Variants in ASTN2 observed in about 807,000 individuals in gnomAD.
ASTN2 encodes the protein astrotactin-2.
Under a neutral mutation model 139.8 loss-of-function variants are expected in ASTN2, and 54 were observed. That is an observed-to-expected ratio of 0.39 (90% CI 0.31 to 0.48). The LOEUF (loss-of-function observed/expected upper bound fraction) is 0.48, where lower values mean the gene tolerates loss of function less well. Among genes scored for constraint, ASTN2 ranks in the 20% least tolerant of loss-of-function variants. ASTN2 has a pLI of 0.95. For synonymous variants in ASTN2, 756 were observed against 719.5 expected, an observed-to-expected ratio of 1.05 and a Z score of -0.81; for missense variants, 1,565 against 1,725.1, an observed-to-expected ratio of 0.91 and a Z score of 1.64.
At chr9:117,093,011 T>C (rs956887525) in intron 5 of ASTN2, among the ~76,000 whole-genome samples, 1 of 151,784 alleles carries the variant, frequency 6.6e-6, no homozygotes, top group Admixed American at 6.6e-5. Flanking sequence ...GTAAACAGGG[T>C]GCAAAGGAAC....
chr9:117,186,310 G>C (rs1831196149), intron 3 of ASTN2, among the ~76,000 whole-genome samples: 1 of 152,200 alleles, frequency 6.6e-6, no homozygotes, highest in South Asian at 2.1e-4. Flanking sequence ...ACTTTGGGAG[G>C]CTGAGGCGGG....
chr9:116,809,397 T>C (rs1026173785), intron 12 of ASTN2, among the ~76,000 whole-genome samples: 1 of 152,194 alleles, frequency 6.6e-6, no homozygotes, highest in African/African-American at 2.4e-5. Context: ...ACATATGCCA[T>C]ATATACATGG....
intron 4 of ASTN2, among the ~76,000 whole-genome samples, chr9:117,125,268 T>C (rs79692679): frequency 2.0e-5 from 3 of 152,194 alleles, no homozygotes; most frequent in Non-Finnish European, 4.4e-5. Flanking sequence ...TGGGTGGCAT[T>C]TGGGGAGACA....
chr9:116,684,792 A>G (rs1860099338), intron 16 of ASTN2, among the ~76,000 whole-genome samples: 1 of 152,224 alleles, frequency 6.6e-6, no homozygotes, highest in African/African-American at 2.4e-5. Context: ...AAGGTGTTAC[A>G]AAACCCAAAG....
At chr9:116,508,812 T>G (rs908865944) in intron 19 of ASTN2, among the ~76,000 whole-genome samples, 2 of 152,052 alleles carry the variant, frequency 1.3e-5, no homozygotes, top group African/African-American at 4.8e-5. Context: ...AAAGGATAAT[T>G]AGAGGGCAAA....
chr9:117,201,844 G>A (rs1339215922), intron 3 of ASTN2, among the ~76,000 whole-genome samples: 4 of 152,098 alleles, frequency 2.6e-5, no homozygotes, highest in African/African-American at 9.7e-5. Flanking sequence ...TTCTGTAGAC[G>A]TCTACTAGGT....
intron 10 of ASTN2, among the ~76,000 whole-genome samples, chr9:116,892,316 G>A (rs1833780936): frequency 6.6e-6 from 1 of 152,166 alleles, no homozygotes; most frequent in South Asian, 2.1e-4. Flanking sequence ...AAATAAATTA[G>A]TTGAGAAAGT....
intron 17 of ASTN2, among the ~76,000 whole-genome samples, chr9:116,629,515 G>C (rs1055385746): frequency 2.6e-5 from 4 of 152,042 alleles, no homozygotes; most frequent in African/African-American, 9.7e-5. Context: ...GTCTATTTTG[G>C]ACTCAACTTC....
intron 13 of ASTN2, among the ~76,000 whole-genome samples, chr9:116,765,919 C>T (rs1829794201): frequency 6.6e-6 from 1 of 152,122 alleles, no homozygotes; most frequent in African/African-American, 2.4e-5. Flanking sequence ...GGATTTTCTA[C>T]AGAAACATAT....
chr9:117,208,029 T>G (rs535235426), intron 3 of ASTN2, among the ~76,000 whole-genome samples: 1 of 152,202 alleles, frequency 6.6e-6, no homozygotes, highest in Admixed American at 6.5e-5. Flanking sequence ...TGAAACCTAC[T>G]CAATAAAATC....
At chr9:116,842,555 C>T (rs1486723032) in intron 11 of ASTN2, among the ~76,000 whole-genome samples, 1 of 151,956 alleles carries the variant, frequency 6.6e-6, no homozygotes, top group African/African-American at 2.4e-5. Flanking sequence ...CAGTCCCCCA[C>T]CCCTCTTGCC....
In ASTN2 at chr9:116,507,390, A is replaced by G. The variant is rs374553562; in HGVS notation, c.3356-19890T>C. Among the ~76,000 whole-genome samples, 3 of 152,192 alleles carry G rather than the reference A, an allele frequency of 2.0e-5. No individual in the cohort carries two copies. The East Asian group carries it at 5.8e-4, about 29-fold the overall frequency. ...AAGGGAAAGTGACTTGTCTGAAGAC[A>G]CACAGGAGGAGAAAAACAGAGTCCA... On this transcript the variant is annotated intron_variant, in intron 19 of 22. Transcript: ENST00000313400.
At chr9:116,907,626 G>T (rs1029828021) in intron 10 of ASTN2, among the ~76,000 whole-genome samples, 2 of 152,130 alleles carry the variant, frequency 1.3e-5, no homozygotes, top group African/African-American at 2.4e-5. Flanking sequence ...ATGGATGGCG[G>T]GTAATATCCG....
intron 4 of ASTN2, among the ~76,000 whole-genome samples, chr9:117,101,348 T>C (rs1042685601): frequency 9.2e-5 from 14 of 152,228 alleles, no homozygotes; most frequent in African/African-American, 3.4e-4. Context: ...ATTGGTGATT[T>C]AGTGCAATAA....
intron 13 of ASTN2, among the ~76,000 whole-genome samples, chr9:116,781,049 A>T (rs1489820254): frequency 2.0e-5 from 3 of 152,152 alleles, no homozygotes; most frequent in African/African-American, 7.2e-5. Context: ...CATGTTGGTC[A>T]GGCTGGTCTC....
intron 13 of ASTN2, among the ~76,000 whole-genome samples, chr9:116,749,310 G>T (rs945503053): frequency 1.3e-5 from 2 of 152,156 alleles, no homozygotes; most frequent in Admixed American, 1.3e-4. Context: ...GGATGCAAAT[G>T]GACCTGAAAC....
intron 4 of ASTN2, among the ~76,000 whole-genome samples, chr9:117,107,657 A>G (rs1361392774): frequency 2.0e-5 from 3 of 152,052 alleles, no homozygotes; most frequent in Admixed American, 1.3e-4. Flanking sequence ...AATGGACTAC[A>G]CCTCCCTCTC....
chr9:117,247,426 T>G (rs1833413140), intron 2 of ASTN2, among the ~76,000 whole-genome samples: 1 of 152,138 alleles, frequency 6.6e-6, no homozygotes, highest in African/African-American at 2.4e-5. Flanking sequence ...GGATTCTGAT[T>G]CTGGGAGTGG....
chr9:117,220,696 G>A (rs546433498), intron 2 of ASTN2, among the ~76,000 whole-genome samples: 185 of 152,186 alleles, frequency 1.2e-3, no homozygotes, highest in African/African-American at 4.1e-3. Context: ...CAGAGCCTCC[G>A]GGAGGAGGCT....
Sources: allele counts gnomAD v4.1 joint callset (sites outside exome capture counted in the v4.1 genomes callset), GRCh38; gene constraint gnomAD v4.1.1; transcripts MANE v1.5; gene names NCBI Gene and HGNC (gene_info 2026-07-23, HGNC 2026-07-21).